The following MAP2K4 variants were observed in gnomAD, a reference collection of about 807,000 sequenced individuals.
MAP2K4 encodes dual specificity mitogen-activated protein kinase kinase 4.
In MAP2K4, 4 loss-of-function variants were observed where a neutral mutation model predicts 48.5. The observed-to-expected ratio is 0.08, with a 90% CI of 0.04 to 0.19. The LOEUF (loss-of-function observed/expected upper bound fraction) is 0.19. MAP2K4 is among the 10% of genes least tolerant of loss of function. The pLI is 1.00. For synonymous variants in MAP2K4, 166 were observed against 173.1 expected (o/e 0.96, Z 0.32); for missense variants, 258 against 493.3 (o/e 0.52, Z 4.52).
chr17:12,092,967 A>G (rs891487714), intron 3 of MAP2K4, among the ~76,000 whole-genome samples: 1 of 152,178 alleles, frequency 6.6e-6, no homozygotes, highest in African/African-American at 2.4e-5. Context: ...AGGAGCTTGC[A>G]GTGAGCCGAG....
At chr17:12,111,524 T>C (rs900808129) in intron 6 of MAP2K4, among the ~76,000 whole-genome samples, 8 of 152,004 alleles carry the variant, frequency 5.3e-5, no homozygotes, top group African/African-American at 1.7e-4. Flanking sequence ...TCTATAATTA[T>C]GAGAGTAGCA....
chr17:12,094,692 C>G (rs1971673590), intron 3 of MAP2K4, among the ~76,000 whole-genome samples: 1 of 151,776 alleles, frequency 6.6e-6, no homozygotes, highest in Non-Finnish European at 1.5e-5. Flanking sequence ...CTCCCAACAC[C>G]TCTGTGTTCT....
Position 12,021,308 on chromosome 17 carries a change from G to A in MAP2K4, c.115+307G>A, listed in dbSNP as rs1028501032. 1.8e-4 allele frequency: 35 copies of A among 190,984 alleles called. No homozygotes were observed. The South Asian group carries it at 5.2e-3, about 28-fold the overall frequency. The allele number at this position is 190,984 out of a possible 1,614,324, so 11.8% of individuals were successfully genotyped here. The stretch of plus-strand genomic sequence containing the variant: ...GACCGCCCCCGCGGCCGTCCCCATC[G>A]CCCCCGCCGCTTACCTGGCGCCCGC... On this transcript the variant is annotated intron_variant, in intron 1 of 10. Coordinates refer to ENST00000353533, the MANE Select transcript of MAP2K4 (RefSeq NM_003010.4).
intron 1 of MAP2K4, among the ~76,000 whole-genome samples, chr17:12,044,403 A>G (rs1969891773): frequency 6.6e-6 from 1 of 152,226 alleles, no homozygotes; most frequent in Non-Finnish European, 1.5e-5. Flanking sequence ...AATGAAGTTC[A>G]TATAGAATTG....
intron 4 of MAP2K4, among the ~76,000 whole-genome samples, chr17:12,103,384 A>G (rs970832502): frequency 4.6e-5 from 7 of 150,674 alleles, no homozygotes; most frequent in Non-Finnish European, 7.4e-5. Flanking sequence ...TTCTATTATT[A>G]TTTTTTTTGA....
intron 3 of MAP2K4, among the ~76,000 whole-genome samples, chr17:12,089,811 C>T (rs1347433935): frequency 6.6e-6 from 1 of 152,230 alleles, no homozygotes; most frequent in Non-Finnish European, 1.5e-5. Context: ...TTATGCTCCT[C>T]ACATCTCATT....
intron 2 of MAP2K4, among the ~76,000 whole-genome samples, chr17:12,062,391 A>G (rs1970477035): frequency 6.6e-6 from 1 of 152,086 alleles, no homozygotes; most frequent in Non-Finnish European, 1.5e-5. Flanking sequence ...GCTGGAGTAA[A>G]TGGTGCTATC....
intron 2 of MAP2K4, among the ~76,000 whole-genome samples, chr17:12,066,987 A>G (rs1006865595): frequency 2.7e-5 from 4 of 150,890 alleles, no homozygotes; most frequent in African/African-American, 9.8e-5. Flanking sequence ...CACATGGCTA[A>G]TTTTTGTATT....
chr17:12,127,358 A>G (rs1972886161), intron 8 of MAP2K4, among the ~76,000 whole-genome samples: 1 of 152,244 alleles, frequency 6.6e-6, no homozygotes, highest in South Asian at 2.1e-4. Flanking sequence ...TAGAGCTTCC[A>G]GCTGAGGCAA....
chr17:12,054,237 A>G (rs551753902), intron 1 of MAP2K4, among the ~76,000 whole-genome samples: 3 of 152,242 alleles, frequency 2.0e-5, no homozygotes, highest in South Asian at 2.1e-4. Flanking sequence ...TTTTAACCCT[A>G]TGTATTGTAT....
intron 9 of MAP2K4, among the ~76,000 whole-genome samples, chr17:12,137,336 T>G (rs975493753): frequency 6.6e-6 from 1 of 152,184 alleles, no homozygotes; most frequent in Non-Finnish European, 1.5e-5. Flanking sequence ...TGAAATAGAT[T>G]TATGAAATTG....
chr17:12,099,923 A>ACTTCAGCCTT (rs1288753648), intron 4 of MAP2K4, among the ~76,000 whole-genome samples: 1 of 152,192 alleles, frequency 6.6e-6, no homozygotes, highest in Non-Finnish European at 1.5e-5. Flanking sequence ...GTTCTGAGTA[A>ACTTCAGCCTT]CTTGTGAATG....
chr17:12,115,684 A>T (rs1007243759), intron 7 of MAP2K4: 2 of 757,772 alleles, frequency 2.6e-6, no homozygotes, highest in African/African-American at 3.4e-5. Flanking sequence ...ACACAAATGT[A>T]GTAGAACAAA....
At chr17:12,131,305 A>C (rs920497648) in intron 9 of MAP2K4, among the ~76,000 whole-genome samples, 2 of 144,560 alleles carry the variant, frequency 1.4e-5, no homozygotes, top group Non-Finnish European at 3.0e-5. Flanking sequence ...GAGTGTAATG[A>C]TGTGGTCGCA....
intron 7 of MAP2K4, 150 bp from the exon 8 acceptor site, chr17:12,125,141 AATG>A: frequency 3.3e-6 from 2 of 612,230 alleles, no homozygotes; most frequent in South Asian, 4.0e-5. Context: ...TTTTTATGAT[AATG>A]ATGACTTCCT....
In MAP2K4 at chr17:12,021,865, A is replaced by C. The variant is rs531584433; in HGVS notation, c.115+864A>C. 3.3e-5 allele frequency among the ~76,000 whole-genome samples: 5 copies of C among 152,120 alleles called. No individual in the cohort carries two copies. In the East Asian group the frequency reaches 7.7e-4, roughly 24 times the overall value. On this transcript the variant is annotated intron_variant, in intron 1 of 10. Transcript: ENST00000353533. ...GCTCTGCTAATTAATGACTTTCCCC[A>C]CTGGGAATGCTTATTAGCTGTGTAT... is the stretch of plus-strand genomic sequence containing the variant.
chr17:12,077,927 G>T (rs1023278112), intron 2 of MAP2K4, among the ~76,000 whole-genome samples: 1 of 152,214 alleles, frequency 6.6e-6, no homozygotes, highest in African/African-American at 2.4e-5. Flanking sequence ...GTGCATATGA[G>T]AAGAGAGTGA....
At chr17:12,140,939 C>T (rs559809343) in intron 10 of MAP2K4, among the ~76,000 whole-genome samples, 61 of 152,240 alleles carry the variant, frequency 4.0e-4, no homozygotes, top group African/African-American at 1.3e-3. Context: ...ATCATTACCA[C>T]GTATCCTCTC....
At chr17:12,060,751 G>GTGTA (rs1970425162) in intron 2 of MAP2K4, among the ~76,000 whole-genome samples, 1 of 142,976 alleles carries the variant, frequency 7.0e-6, no homozygotes, top group Non-Finnish European at 1.6e-5. Flanking sequence ...GTGTGTGCGC[G>GTGTA]CGTGTGTGTG....
Sources: gnomAD v4.1 joint callset for allele counts (sites outside exome capture counted in the v4.1 genomes callset) on GRCh38, gnomAD v4.1.1 for gene constraint, MANE v1.5 for transcripts, NCBI Gene and HGNC (gene_info 2026-07-23, HGNC 2026-07-21) for gene names.